CFAP91: variants seen among roughly 807,000 people sequenced by gnomAD.
CFAP91 encodes the protein cilia- and flagella-associated protein 91.
Under a neutral mutation model 95.9 loss-of-function variants are expected in CFAP91, and 85 were observed. The ratio of observed to expected loss-of-function variants is 0.89; its 90% CI spans 0.74 to 1.06. The LOEUF (loss-of-function observed/expected upper bound fraction) is 1.06, where lower values mean the gene tolerates loss of function less well. CFAP91 is among the 50% of genes least tolerant of loss of function. The pLI is 0.00. For synonymous variants in CFAP91, 335 were observed against 327.5 expected, an observed-to-expected ratio of 1.02 and a Z score of -0.25; for missense variants, 962 against 943.4, an observed-to-expected ratio of 1.02 and a Z score of -0.26.
chr3:119,709,862 A>G lies in CFAP91; in HGVS notation c.467A>G (p.Gln156Arg). 1 of 1,613,078 alleles carries G rather than the reference A, an allele frequency of 6.2e-7. No individual in the cohort carries two copies. The highest frequency in any genetic ancestry group is 8.5e-7 in the Non-Finnish European group (1 of 1,179,102). The change falls in exon 5 of 18, where the codon CAG (glutamine) becomes CGG (arginine). Residue 156 changes from glutamine to arginine, a missense_variant. Physicochemically the swap from Gln to Arg is conservative, Grantham distance 43. Coordinates refer to ENST00000273390, the MANE Select transcript of CFAP91 (RefSeq NM_033364.4). Reference sequence around the variant, plus strand: ...AGGCCTTTTCTCCCATTTTTTCAGCAGATGCCATTCAATGTTGTTTATGCC... The same window carrying G: ...AGGCCTTTTCTCCCATTTTTTCAGCGGATGCCATTCAATGTTGTTTATGCC... The part of the protein sequence containing the change: ...FERPFLPFFQ[Q>R]MPFNVVYAVS...
chr3:119,725,503 C>T (rs940503830), intron 6 of CFAP91, among the ~76,000 whole-genome samples: 2 of 152,188 alleles, frequency 1.3e-5, no homozygotes, highest in African/African-American at 4.8e-5. Context: ...CCTGTAATCC[C>T]AACACTTTGG....
chr3:119,709,920 C>T, intron 5 of CFAP91, 25 bp downstream of exon 5: 1 of 1,531,300 alleles, frequency 6.5e-7, no homozygotes, highest in East Asian at 2.3e-5. Context: ...TTTGAAAACT[C>T]TTTTTCAGTT....
intron 6 of CFAP91, among the ~76,000 whole-genome samples, chr3:119,721,781 G>T (rs955545604): frequency 6.6e-6 from 1 of 152,194 alleles, no homozygotes; most frequent in Non-Finnish European, 1.5e-5. Context: ...ATTTGCACAC[G>T]TGCTCTCTTA....
chr3:119,743,079 A>G (rs746120142), intron 13 of CFAP91, among the ~76,000 whole-genome samples: 8 of 151,718 alleles, frequency 5.3e-5, no homozygotes, highest in Non-Finnish European at 1.0e-4. Flanking sequence ...AGAGAGCACA[A>G]TGGGTCCCTA....
intron 13 of CFAP91, among the ~76,000 whole-genome samples, chr3:119,741,415 C>T (rs903417234): frequency 1.9e-4 from 29 of 152,084 alleles, no homozygotes; most frequent in African/African-American, 6.8e-4. Context: ...AGTTTTAGAG[C>T]TGTCATAGCT....
intron 6 of CFAP91, among the ~76,000 whole-genome samples, chr3:119,716,467 C>A (rs1033168583): frequency 1.3e-5 from 2 of 152,174 alleles, no homozygotes; most frequent in Non-Finnish European, 2.9e-5. Flanking sequence ...CTTTCCCCCG[C>A]ATTGTAACAG....
At chr3:119,708,264 CA>C (rs11346330) in intron 3 of CFAP91, among the ~76,000 whole-genome samples, 78,756 of 111,950 alleles carry the variant, frequency 0.7, 26,698 homozygotes, top group South Asian at 0.79. Flanking sequence ...GACTCTGTCT[CA>C]AAAAAAAAAA....
intron 5 of CFAP91, among the ~76,000 whole-genome samples, chr3:119,710,649 CTTAT>C: frequency 6.6e-6 from 1 of 152,316 alleles, no homozygotes; most frequent in Non-Finnish European, 1.5e-5. Context: ...CTCTGAAACA[CTTAT>C]TTGATGACAG....
intron 2 of CFAP91, 24 bp from the exon 3 acceptor site, chr3:119,707,380 T>A: frequency 6.6e-7 from 1 of 1,504,574 alleles, no homozygotes; most frequent in Non-Finnish European, 9.0e-7. Context: ...AATTTTGTCC[T>A]TTGCCTCCCT....
chr3:119,747,020 A>G, intron 14 of CFAP91, 95 bp from the exon 15 acceptor site: 1 of 928,874 alleles, frequency 1.1e-6, no homozygotes. Context: ...AATGAAATAT[A>G]TGAGCTAGAA....
intron 17 of CFAP91, among the ~76,000 whole-genome samples, chr3:119,761,394 G>A (rs2054535120): frequency 6.6e-6 from 1 of 151,664 alleles, no homozygotes; most frequent in Non-Finnish European, 1.5e-5. Context: ...AAAATCCCAG[G>A]CAGGACCCAA....
chr3:119,743,882 A>T, intron 13 of CFAP91, 93 bp from the exon 14 acceptor site: 1 of 1,112,666 alleles, frequency 9.0e-7, no homozygotes, highest in Non-Finnish European at 1.3e-6. Context: ...AAGTGAATTG[A>T]CTGCCAAGAG....
rs756212899 is a variant in CFAP91 at position 119,747,798 on chromosome 3, T to C, written c.2052-13T>C. 6.2e-7 allele frequency: 1 copy of C among 1,606,414 alleles called. No individual in the cohort carries two copies. The highest frequency in any genetic ancestry group is 1.1e-5 in the South Asian group (1 of 89,862). On this transcript the variant is annotated splice_polypyrimidine_tract_variant and intron_variant, in intron 15 of 17. Transcript: ENST00000273390. ...AACCAAAGAAATAATTCAATTTGTT[T>C]TATATTTTTTAGCCGAACCTATCTT...
At chr3:119,757,391 C>G (rs567058362) in intron 17 of CFAP91, among the ~76,000 whole-genome samples, 2 of 152,206 alleles carry the variant, frequency 1.3e-5, no homozygotes, top group African/African-American at 4.8e-5. Flanking sequence ...CGTCTGTAAT[C>G]CCAGCAATTT....
chr3:119,727,594 A>G (rs9841230), intron 7 of CFAP91, among the ~76,000 whole-genome samples: 46,808 of 151,930 alleles, frequency 0.31, 7,319 homozygotes, highest in East Asian at 0.42. Context: ...GCTCTTCCTG[A>G]CAGAGCTCCT....
chr3:119,740,442 A>G, intron 12 of CFAP91, 107 bp from the exon 13 acceptor site: 1 of 1,308,222 alleles, frequency 7.6e-7, no homozygotes, highest in South Asian at 1.4e-5. Flanking sequence ...AAGGCAGGAC[A>G]GAACCCACTG....
chr3:119,720,867 C>T (rs150054231), intron 6 of CFAP91, among the ~76,000 whole-genome samples: 1 of 152,250 alleles, frequency 6.6e-6, no homozygotes, highest in African/African-American at 2.4e-5. Flanking sequence ...CTTATAATTC[C>T]TAATGCAATG....
intron 9 of CFAP91, 43 bp downstream of exon 9, chr3:119,732,519 T>C: frequency 7.8e-7 from 1 of 1,283,778 alleles, no homozygotes; most frequent in Non-Finnish European, 1.1e-6. Flanking sequence ...AAGAAGGTTG[T>C]CTCAGAAATA....
intron 17 of CFAP91, among the ~76,000 whole-genome samples, chr3:119,759,551 A>G (rs2107923697): frequency 6.6e-6 from 1 of 152,142 alleles, no homozygotes; most frequent in African/African-American, 2.4e-5. Context: ...ATATGAAAGT[A>G]TAAAACTCAT....
Sources: gnomAD v4.1 joint callset for allele counts (sites outside exome capture counted in the v4.1 genomes callset) on GRCh38, gnomAD v4.1.1 for gene constraint, MANE v1.5 for transcripts, NCBI Gene and HGNC (gene_info 2026-07-23, HGNC 2026-07-21) for gene names.